SLC4A10: variants seen among roughly 807,000 people sequenced by gnomAD.
SLC4A10 encodes sodium-driven chloride bicarbonate exchanger.
In SLC4A10, 42 loss-of-function variants were observed where a neutral mutation model predicts 137.7. The ratio of observed to expected loss-of-function variants is 0.30; its 90% CI spans 0.24 to 0.39. The LOEUF is 0.39. Ranked by LOEUF, SLC4A10 falls within the 10% of genes least tolerant of loss-of-function variation. SLC4A10 has a pLI of 1.00. For synonymous variants in SLC4A10, 474 were observed against 464.1 expected, an observed-to-expected ratio of 1.02 and a Z score of -0.27; for missense variants, 925 against 1,355.0, an observed-to-expected ratio of 0.68 and a Z score of 4.98.
chr2:161,638,599 C>T (rs1314148829), intron 1 of SLC4A10, among the ~76,000 whole-genome samples: 1 of 151,902 alleles, frequency 6.6e-6, no homozygotes, highest in African/African-American at 2.4e-5. Context: ...ATATCTTTGT[C>T]TATTTAGGGT....
At chr2:161,908,612 A>C (rs1012684967) in intron 15 of SLC4A10, among the ~76,000 whole-genome samples, 1 of 151,420 alleles carries the variant, frequency 6.6e-6, no homozygotes, top group South Asian at 2.1e-4. Flanking sequence ...AAAAAAAAAC[A>C]ACTGGTATTG....
At chr2:161,783,148 T>A (rs970456664) in intron 2 of SLC4A10, among the ~76,000 whole-genome samples, 4 of 151,976 alleles carry the variant, frequency 2.6e-5, no homozygotes, top group Admixed American at 2.6e-4. Context: ...CTTCAGCAAC[T>A]TTTTTGCAGA....
chr2:161,900,075 C>T (rs2105290852), intron 11 of SLC4A10, among the ~76,000 whole-genome samples: 1 of 152,062 alleles, frequency 6.6e-6, no homozygotes, highest in East Asian at 1.9e-4. Context: ...TAAGATTTTT[C>T]CTATTATCCT....
intron 1 of SLC4A10, among the ~76,000 whole-genome samples, chr2:161,636,615 GTCTCGAAC>G (rs1006446818): frequency 3.9e-4 from 59 of 152,114 alleles, no homozygotes; most frequent in African/African-American, 1.4e-3. Context: ...GGCCAGGCTG[GTCTCGAAC>G]TCCTGACCTT....
intron 7 of SLC4A10, 71 bp from the exon 8 acceptor site, chr2:161,873,845 C>A: frequency 6.9e-7 from 1 of 1,456,496 alleles, no homozygotes; most frequent in East Asian, 2.4e-5. Flanking sequence ...TGCATGCTCT[C>A]CCTCTGGTGC....
intron 1 of SLC4A10, among the ~76,000 whole-genome samples, chr2:161,759,533 G>A (rs1328924637): frequency 6.6e-6 from 1 of 151,868 alleles, no homozygotes; most frequent in African/African-American, 2.4e-5. Context: ...CTGCTTATAT[G>A]ATTTTGACTT....
At chr2:161,708,230 G>A (rs1345258902) in intron 1 of SLC4A10, among the ~76,000 whole-genome samples, 1 of 151,522 alleles carries the variant, frequency 6.6e-6, no homozygotes, top group Non-Finnish European at 1.5e-5. Context: ...GATATTCAGA[G>A]TTTGGAGGGA....
At chr2:161,772,071 T>A (rs2051685394) in intron 2 of SLC4A10, among the ~76,000 whole-genome samples, 1 of 151,820 alleles carries the variant, frequency 6.6e-6, no homozygotes, top group African/African-American at 2.4e-5. Context: ...TCTCAACAAC[T>A]ATACCGACTC....
intron 1 of SLC4A10, among the ~76,000 whole-genome samples, chr2:161,737,468 A>T (rs1028745863): frequency 2.6e-5 from 4 of 151,216 alleles, no homozygotes; most frequent in African/African-American, 9.7e-5. Flanking sequence ...TGTTTAGTGG[A>T]TGTAGTTTTT....
chr2:161,691,083 A>T (rs576360596), intron 1 of SLC4A10, among the ~76,000 whole-genome samples: 42 of 152,244 alleles, frequency 2.8e-4, no homozygotes, highest in South Asian at 2.5e-3. Context: ...TATCTTTTGA[A>T]TTGTGCTTTA....
At chr2:161,806,783 A>G (rs113289945) in intron 3 of SLC4A10, among the ~76,000 whole-genome samples, 11,155 of 151,968 alleles carry the variant, frequency 0.073, 476 homozygotes, top group East Asian at 0.15. Flanking sequence ...ACATTTTCCT[A>G]TCTTCTTCTG....
intron 3 of SLC4A10, among the ~76,000 whole-genome samples, chr2:161,814,956 C>T (rs543959670): frequency 1.4e-4 from 21 of 151,840 alleles, no homozygotes; most frequent in African/African-American, 4.6e-4. Flanking sequence ...ACTTACCAAA[C>T]GTAAAGAAAG....
intron 1 of SLC4A10, among the ~76,000 whole-genome samples, chr2:161,696,070 C>A (rs531885339): frequency 2.6e-5 from 4 of 151,670 alleles, no homozygotes; most frequent in Non-Finnish European, 5.9e-5. Flanking sequence ...CACTTCCCCC[C>A]ACCCCACGAC....
At chr2:161,914,454 C>A (rs1042286526) in intron 15 of SLC4A10, among the ~76,000 whole-genome samples, 1 of 152,140 alleles carries the variant, frequency 6.6e-6, no homozygotes, top group Non-Finnish European at 1.5e-5. Context: ...TGGCCAGGCT[C>A]AAAGAGGTTT....
At chr2:161,975,973 A>G (rs1191642905) in intron 24 of SLC4A10, among the ~76,000 whole-genome samples, 4 of 152,272 alleles carry the variant, frequency 2.6e-5, no homozygotes, top group Non-Finnish European at 5.9e-5. Flanking sequence ...ACTCTGAGTG[A>G]CTGGGAGCCA....
chr2:161,625,425 C>A (rs531006486), intron 1 of SLC4A10, among the ~76,000 whole-genome samples: 58 of 151,602 alleles, frequency 3.8e-4, no homozygotes, highest in African/African-American at 1.0e-3. Flanking sequence ...AAAAAAAAAA[C>A]CCAGTATTTT....
chr2:161,632,566 T>C (rs2033753814), intron 1 of SLC4A10, among the ~76,000 whole-genome samples: 1 of 151,694 alleles, frequency 6.6e-6, no homozygotes, highest in Non-Finnish European at 1.5e-5. Flanking sequence ...ATGTCATATA[T>C]AATTGACAGA....
chr2:161,750,269 A>T (rs2048830103), intron 1 of SLC4A10, among the ~76,000 whole-genome samples: 1 of 150,508 alleles, frequency 6.6e-6, no homozygotes, highest in Admixed American at 6.6e-5. Context: ...CATCTTTATT[A>T]TTCCTTCTCT....
chr2:161,699,272 G>A (rs1008772106), intron 1 of SLC4A10, among the ~76,000 whole-genome samples: 5 of 152,018 alleles, frequency 3.3e-5, no homozygotes, highest in South Asian at 2.1e-4. Flanking sequence ...TGTCGGCCTC[G>A]GCCTCCCAAA....
Sources: gnomAD v4.1 joint callset for allele counts (sites outside exome capture counted in the v4.1 genomes callset) on GRCh38, gnomAD v4.1.1 for gene constraint, MANE v1.5 for transcripts, NCBI Gene and HGNC (gene_info 2026-07-23, HGNC 2026-07-21) for gene names.